The following MRE11 variants were observed in gnomAD, a reference collection of about 807,000 sequenced individuals.
MRE11 encodes double-strand break repair protein MRE11.
MRE11 carries 62 observed loss-of-function variants against 91.7 expected under a neutral mutation model. The ratio of observed to expected loss-of-function variants is 0.68; its 90% CI spans 0.55 to 0.84. The LOEUF is 0.84. Ranked by LOEUF, MRE11 falls within the 40% of genes least tolerant of loss-of-function variation. MRE11 has a pLI of 0.00. For synonymous variants in MRE11, 273 were observed against 271.4 expected, an observed-to-expected ratio of 1.01 and a Z score of -0.06; for missense variants, 796 against 852.9, an observed-to-expected ratio of 0.93 and a Z score of 0.83.
chr11:94,492,953 C>T (rs1441189587), intron 1 of MRE11, 47 bp from the exon 2 acceptor site: 1 of 703,568 alleles, frequency 1.4e-6, no homozygotes, highest in Non-Finnish European at 2.5e-6. Flanking sequence ...AAAGCCTGCA[C>T]GTATTTAACC....
chr11:94,479,912 A>T (rs1946971730), intron 4 of MRE11, 151 bp from the exon 5 acceptor site: 1 of 648,466 alleles, frequency 1.5e-6, no homozygotes, highest in South Asian at 1.8e-5. Flanking sequence ...AAATAAAATC[A>T]TAGGCGACAA....
chr11:94,426,269 T>G (rs1945311013), intron 19 of MRE11, among the ~76,000 whole-genome samples: 1 of 152,076 alleles, frequency 6.6e-6, no homozygotes, highest in South Asian at 2.1e-4. Flanking sequence ...AAAAAATTCT[T>G]TGAAATTAAT....
chr11:94,501,020 A>C, the MRE11 span, among the ~76,000 whole-genome samples: 1 of 152,140 alleles, frequency 6.6e-6, no homozygotes, highest in South Asian at 2.1e-4. Flanking sequence ...TCACCAAATC[A>C]TTATGTCTTT....
rs543201949 is a variant in MRE11, at chr11:94,420,239, C to T, written c.2071-58G>A. The T allele has an allele frequency of 8.1e-5, 114 of 1,406,820 alleles. 3 individuals carry two copies. In the South Asian group the frequency reaches 1.3e-3, roughly 16 times the overall value. The allele number at this position is 1,406,820 out of a possible 1,614,324, so 87.1% of individuals were successfully genotyped here. A position where few individuals can be genotyped will look rare whatever the true frequency, so the allele number is the denominator to read the frequency against. The stretch of plus-strand genomic sequence containing the variant: ...TGTTCCCTGCTTCACTGAAACAAGA[C>T]AGAAGTTCTTATGGGCAAAACAATA... On this transcript the variant is annotated intron_variant, in intron 19 of 19. Coordinates refer to ENST00000323929, the MANE Select transcript of MRE11 (RefSeq NM_005591.4).
chr11:94,445,283 T>C (rs1945893538), intron 16 of MRE11, among the ~76,000 whole-genome samples: 1 of 152,204 alleles, frequency 6.6e-6, no homozygotes, highest in Non-Finnish European at 1.5e-5. Flanking sequence ...TGTCTGAAAG[T>C]AAGAAATTAT....
chr11:94,428,858 C>A, intron 19 of MRE11, among the ~76,000 whole-genome samples: 1 of 150,166 alleles, frequency 6.7e-6, no homozygotes, highest in South Asian at 2.1e-4. Flanking sequence ...AGCGAAACTC[C>A]ATGTCAAAAA....
intron 9 of MRE11, among the ~76,000 whole-genome samples, chr11:94,468,847 G>A (rs1946636690): frequency 1.3e-5 from 2 of 151,906 alleles, no homozygotes; most frequent in Admixed American, 6.6e-5. Context: ...CGCCACATGT[G>A]CTAGTGAATA....
At chr11:94,422,076 AT>A (rs910957680) in intron 19 of MRE11, among the ~76,000 whole-genome samples, 32 of 152,350 alleles carry the variant, frequency 2.1e-4, no homozygotes, top group African/African-American at 7.2e-4. Flanking sequence ...AAATAAAAAA[AT>A]AAATGAAAGG....
intron 14 of MRE11, among the ~76,000 whole-genome samples, chr11:94,450,131 T>C (rs1565214332): frequency 6.6e-6 from 1 of 152,158 alleles, no homozygotes; most frequent in Non-Finnish European, 1.5e-5. Context: ...TGGCTATGAG[T>C]TCAATGCTAA....
In MRE11 at chr11:94,419,465, G is replaced by GGGGAGAGAGGGAGAGAGAGAGAGA; in HGVS notation, c.*659_*660insTCTCTCTCTCTCTCCCTCTCTCCC. 2 of 214,888 alleles carry GGGGAGAGAGGGAGAGAGAGAGAGA rather than the reference G, an allele frequency of 9.3e-6. No homozygotes were observed. The highest frequency in any genetic ancestry group is 8.9e-6 in the Non-Finnish European group (1 of 112,430). 13.3% of individuals were successfully genotyped at this position (214,888 alleles called of 1,614,324 possible). A position where few individuals can be genotyped will look rare whatever the true frequency, so the allele number is the denominator to read the frequency against. ...GAAGAGTGGGGAACGGGGGGGAGAGGGAGAGAGAGAGAGAGAGAGAGAGAG... is the reference window on the plus strand; with the variant it reads ...GAAGAGTGGGGAACGGGGGGGAGAGGGGGAGAGAGGGAGAGAGAGAGAGAGAGAGAGAGAGAGAGAGAGAGAGAG... On this transcript the variant is annotated 3_prime_UTR_variant, in exon 20 of 20. Coordinates refer to ENST00000323929, the MANE Select transcript of MRE11 (RefSeq NM_005591.4).
Position 94,417,878 on chromosome 11 carries a change from G to A in MRE11, c.*2247C>T, listed in dbSNP as rs1331355076. 4.3e-6 allele frequency: 1 copy of A among 232,954 alleles called. No homozygotes were observed. 14.4% of individuals were successfully genotyped at this position (232,954 alleles called of 1,614,324 possible). On this transcript the variant is annotated 3_prime_UTR_variant, in exon 20 of 20. Coordinates refer to ENST00000323929, the MANE Select transcript of MRE11 (RefSeq NM_005591.4). Reference sequence around the variant, plus strand: ...ATTTTCAAGAATTTCCTAGAACTTCGAGGAATCTTTAACCTTGTAAATGCA... The same window carrying A: ...ATTTTCAAGAATTTCCTAGAACTTCAAGGAATCTTTAACCTTGTAAATGCA...
intron 15 of MRE11, 124 bp downstream of exon 15, chr11:94,447,095 A>G (rs1259653213): frequency 2.9e-6 from 3 of 1,034,592 alleles, no homozygotes; most frequent in African/African-American, 3.2e-5. Context: ...TATTATAAAA[A>G]TAGATTTTTA....
intron 4 of MRE11, among the ~76,000 whole-genome samples, chr11:94,483,589 C>T (rs951140808): frequency 1.3e-5 from 2 of 152,170 alleles, no homozygotes; most frequent in African/African-American, 2.4e-5. Context: ...CCTTCAGCCA[C>T]GATTGTGAAG....
Position 94,490,847 on chromosome 11 carries a change from C to A in MRE11, c.139G>T (p.Ala47Ser), listed in dbSNP as rs1428826563. The A allele has an allele frequency of 3.1e-6, 5 of 1,613,662 alleles. No homozygotes were observed. In the South Asian group the frequency reaches 4.4e-5, roughly 14 times the overall value. ...ACCACACTCACTTCATTTTCCTGGG[C>A]AAGTCTTAAAATTTCATCGAGTGTT... ...FVTLDEILRL[A>S]QENEVDFILL... Residue 47 changes from alanine to serine, a missense_variant, in exon 3 of 20, where the codon GCC becomes TCC. By Grantham distance (99) the Ala-to-Ser change is moderately conservative (BLOSUM62 1). Coordinates refer to ENST00000323929, the MANE Select transcript of MRE11 (RefSeq NM_005591.4).
chr11:94,473,795 G>C (rs1006633935), intron 7 of MRE11, among the ~76,000 whole-genome samples: 1 of 152,070 alleles, frequency 6.6e-6, no homozygotes, highest in Non-Finnish European at 1.5e-5. Flanking sequence ...GTATGAGTTA[G>C]CAATTTTGAA....
At chr11:94,476,671 G>A (rs1050766161) in intron 6 of MRE11, among the ~76,000 whole-genome samples, 1 of 151,898 alleles carries the variant, frequency 6.6e-6, no homozygotes, top group African/African-American at 2.4e-5. Context: ...CTCCCAAAGT[G>A]CTGGGATTAC....
rs754967366 is a variant in MRE11, at chr11:94,417,559, C to T, written c.*2566G>A. The T allele has an allele frequency of 3.0e-5, 7 of 232,758 alleles. No homozygotes were observed. The highest frequency in any genetic ancestry group is 5.1e-5 in the Non-Finnish European group (6 of 117,856). The allele number at this position is 232,758 out of a possible 1,614,324, so 14.4% of individuals were successfully genotyped here. A position where few individuals can be genotyped will look rare whatever the true frequency, so the allele number is the denominator to read the frequency against. ...ATTTGCAGTTGCATCCTCCTAACTG[C>T]GTCTAATGGCAGAAGCACCACCTTG... On this transcript the variant is annotated 3_prime_UTR_variant, in exon 20 of 20. Transcript: ENST00000323929.
intron 2 of MRE11, 24 bp downstream of exon 2, chr11:94,492,758 G>A (rs1947320747): frequency 6.2e-7 from 1 of 1,613,560 alleles, no homozygotes; most frequent in African/African-American, 1.3e-5. Context: ...AAATAACAAG[G>A]GATTCCAGAA....
upstream of MRE11, among the ~76,000 whole-genome samples, chr11:94,496,286 T>G (rs950916847): frequency 6.6e-6 from 1 of 152,202 alleles, no homozygotes; most frequent in East Asian, 1.9e-4. Flanking sequence ...CTTCATTGTA[T>G]TAGTTATACT....
Sources: allele counts gnomAD v4.1 joint callset (sites outside exome capture counted in the v4.1 genomes callset), GRCh38; gene constraint gnomAD v4.1.1; transcripts MANE v1.5; gene names NCBI Gene and HGNC (gene_info 2026-07-23, HGNC 2026-07-21).